ACO2: variants seen among roughly 807,000 people sequenced by gnomAD.
ACO2 encodes aconitase 2.
ACO2 carries 31 observed loss-of-function variants against 84.5 expected under a neutral mutation model. That is an observed-to-expected ratio of 0.37 (90% CI 0.28 to 0.50). The LOEUF is 0.50. ACO2 is among the 20% of genes least tolerant of loss of function. The pLI is 0.97. For missense variants in ACO2, 685 were observed against 1,029.3 expected, an observed-to-expected ratio of 0.67 and a Z score of 4.58; for synonymous variants, 414 against 412.7, an observed-to-expected ratio of 1.00 and a Z score of -0.04.
intron 6 of ACO2, among the ~76,000 whole-genome samples, chr22:41,516,792 G>A (rs964523388): frequency 1.6e-4 from 24 of 152,216 alleles, no homozygotes; most frequent in South Asian, 2.1e-4. Context: ...GTGCAATCTC[G>A]GCTCACTACA....
chr22:41,488,420 G>A (rs776386176), intron 1 of ACO2, among the ~76,000 whole-genome samples: 1 of 152,178 alleles, frequency 6.6e-6, no homozygotes, highest in East Asian at 1.9e-4. Context: ...GAAAAGCTTG[G>A]AAGCCTCATG....
rs377384540 is a variant in ACO2 at position 41,507,944 on chromosome 22, G to T, written c.327G>T (p.Gln109His). 6.2e-7 allele frequency: 1 copy of T among 1,614,248 alleles called. No individual in the cohort carries two copies. The highest frequency in any genetic ancestry group is 1.1e-5 in the South Asian group (1 of 91,088). Residue 109 changes from glutamine (Q) to histidine (H), a missense_variant, in exon 3 of 18, where the codon CAG (glutamine) becomes CAT (histidine). Transcript: ENST00000216254. ...QDATAQMAMLQFISSGLSKVA... is the reference protein window; with the variant it reads ...QDATAQMAMLHFISSGLSKVA... ...CGACGGCCCAGATGGCCATGCTCCA[G>T]TTCATCAGCAGCGGGCTGTCCAAGG...
chr22:41,487,255 C>T (rs934639856), intron 1 of ACO2, among the ~76,000 whole-genome samples: 5 of 152,196 alleles, frequency 3.3e-5, no homozygotes, highest in African/African-American at 9.6e-5. Flanking sequence ...TCCCTGGACT[C>T]CTTCCCCTAA....
intron 10 of ACO2, 90 bp downstream of exon 10, chr22:41,523,077 G>A (rs1350347225): frequency 6.4e-7 from 1 of 1,571,254 alleles, no homozygotes; most frequent in Non-Finnish European, 8.7e-7. Flanking sequence ...GTTGGGCCGG[G>A]GCTGGGGCAG....
At chr22:41,501,727 G>A (rs746709301) in intron 2 of ACO2, among the ~76,000 whole-genome samples, 14 of 152,096 alleles carry the variant, frequency 9.2e-5, no homozygotes, top group East Asian at 1.9e-4. Context: ...GTGGTGTCTC[G>A]TCTTTGTACC....
At chr22:41,525,003 T>C (rs767288560) in intron 13 of ACO2, 35 bp downstream of exon 13, 84 of 1,613,918 alleles carry the variant, frequency 5.2e-5, no homozygotes, top group Non-Finnish European at 6.9e-5. Context: ...CTGGTTGCTG[T>C]GTGGCCACGT....
chr22:41,495,074 T>TG (rs1214507430), intron 1 of ACO2, among the ~76,000 whole-genome samples: 1 of 152,154 alleles, frequency 6.6e-6, no homozygotes, highest in Non-Finnish European at 1.5e-5. Flanking sequence ...TTGCCCAGGC[T>TG]GGAGTGCAGT....
intron 1 of ACO2, among the ~76,000 whole-genome samples, chr22:41,489,440 A>G (rs2066256281): frequency 6.6e-6 from 1 of 152,178 alleles, no homozygotes; most frequent in African/African-American, 2.4e-5. Flanking sequence ...GAGATCTAAT[A>G]AAAAACATAC....
chr22:41,480,229 C>G (rs1437901622), intron 1 of ACO2, among the ~76,000 whole-genome samples: 1 of 152,170 alleles, frequency 6.6e-6, no homozygotes, highest in East Asian at 1.9e-4. Flanking sequence ...ACAGAGTCCA[C>G]CTGAGACTTC....
Position 41,515,071 on chromosome 22 carries a change from C to T in ACO2, c.526-306C>T, listed in dbSNP as rs2066464853. 1.3e-5 allele frequency among the ~76,000 whole-genome samples: 2 copies of T among 152,176 alleles called. No homozygotes were observed. Among genetic ancestry groups the T allele is most frequent in the South Asian group, 2.1e-4 (1 of 4,830 alleles). On this transcript the variant is annotated intron_variant, in intron 4 of 17. Coordinates refer to ENST00000216254, the MANE Select transcript of ACO2 (RefSeq NM_001098.3). This position sits in a 1 kb window ranked among gnomAD's most constrained non-coding sequence, Gnocchi z 5.8. ...TCTGGTTCTTGTCACATCCTGGGGT[C>T]ATGGTGGTATGGGTGTTTGGTTACT... is the stretch of plus-strand genomic sequence containing the variant.
Position 41,507,851 on chromosome 22 carries a change from C to A in ACO2, c.234C>A (p.Ala78=). ...KIVYGHLDDP[A]SQEIERGKSY... ...TGTATGGACACCTGGATGACCCCGCCAGCCAGGAAATTGAGCGAGGCAAGT... is the reference window on the plus strand; with the variant it reads ...TGTATGGACACCTGGATGACCCCGCAAGCCAGGAAATTGAGCGAGGCAAGT... The change falls in exon 3 of 18, where the codon GCC becomes GCA. Residue 78 remains alanine (A), a synonymous_variant. Transcript: ENST00000216254. 1.9e-6 allele frequency: 3 copies of A among 1,614,256 alleles called. No homozygotes were observed. The highest frequency in any genetic ancestry group is 2.5e-6 in the Non-Finnish European group (3 of 1,180,048).
At chr22:41,527,210 AGGCCAGGCAGGTAG>A in intron 15 of ACO2, 64 bp from the exon 16 acceptor site, 4 of 1,602,634 alleles carry the variant, frequency 2.5e-6, no homozygotes, top group Non-Finnish European at 3.4e-6. Context: ...CAGGTGGGTG[AGGCCAGGCAGGTAG>A]GGCCAGACAG....
chr22:41,528,817 G>C lies in ACO2; in HGVS notation c.*204G>C, dbSNP rs922198496. On this transcript the variant is annotated 3_prime_UTR_variant, in exon 18 of 18. Transcript: ENST00000216254. ...TTTTTAGCCCCCGTCTTCCTATTTT[G>C]AGTTTGGTTCAGATCTTAAGCAGCT... 1.5e-5 allele frequency: 10 copies of C among 683,334 alleles called. No individual in the cohort carries two copies. The allele number at this position is 683,334 out of a possible 1,614,324, so 42.3% of individuals were successfully genotyped here.
chr22:41,507,745 G>C (rs939137020), intron 2 of ACO2, 46 bp from the exon 3 acceptor site: 1 of 1,582,262 alleles, frequency 6.3e-7, no homozygotes, highest in African/African-American at 1.3e-5. Context: ...GCGGGAGGAG[G>C]CCGTGCAGCT....
chr22:41,517,627 G>A lies in ACO2; in HGVS notation c.936G>A (p.Arg312=), dbSNP rs2066485958. 3.1e-6 allele frequency: 5 copies of A among 1,613,780 alleles called. No individual in the cohort carries two copies. The African/African-American group carries it at 4.0e-5, about 13-fold the overall frequency. Residue 312 remains arginine, a synonymous_variant, in exon 7 of 18, where the codon CGG becomes CGA. Coordinates refer to ENST00000216254, the MANE Select transcript of ACO2 (RefSeq NM_001098.3). ...RMKKYLSKTG[R]EDIANLADEF... ...AGAAGTACCTGAGCAAGACCGGCCG[G>A]GAAGGTGAGCTGGCAGGGGCAGGCC...
chr22:41,526,229 C>G (rs747847114), intron 14 of ACO2, 33 bp from the exon 15 acceptor site: 3 of 1,595,592 alleles, frequency 1.9e-6, no homozygotes, highest in African/African-American at 2.7e-5. Flanking sequence ...AGGGCCATGC[C>G]CTGACCTCTG....
At chr22:41,478,152 C>T (rs2038042536) in intron 1 of ACO2, among the ~76,000 whole-genome samples, 1 of 151,312 alleles carries the variant, frequency 6.6e-6, no homozygotes, top group African/African-American at 2.5e-5. Context: ...TTCAAGGAAA[C>T]CTTTTTTTCA....
At position 41,515,335 on chromosome 22, in the gene ACO2, G is replaced by A. The variant is rs368460982; in HGVS notation, c.526-42G>A. Reference sequence around the variant, plus strand: ...AGTGGGGCCATTTTTTGGTATTCTCGGCTGAGGGCTTCTAAATATAACATC... The same window carrying A: ...AGTGGGGCCATTTTTTGGTATTCTCAGCTGAGGGCTTCTAAATATAACATC... On this transcript the variant is annotated intron_variant, in intron 4 of 17. Coordinates refer to ENST00000216254, the MANE Select transcript of ACO2 (RefSeq NM_001098.3). The surrounding 1 kb of genome is among the most constrained non-coding windows in gnomAD (Gnocchi z 5.8). The A allele has an allele frequency of 2.4e-5, 38 of 1,611,164 alleles. No homozygotes were observed. The African/African-American group carries it at 4.1e-4, about 18-fold the overall frequency.
chr22:41,518,450 G>A (rs371085196), intron 7 of ACO2, 31 bp from the exon 8 acceptor site: 15 of 1,548,894 alleles, frequency 9.7e-6, no homozygotes, highest in Admixed American at 3.3e-5. Context: ...TATGTTTCAC[G>A]TGCTCCATCC....
Sources: allele counts gnomAD v4.1 joint callset (sites outside exome capture counted in the v4.1 genomes callset), GRCh38; gene constraint gnomAD v4.1.1; non-coding constraint Gnocchi (gnomAD v3.1); transcripts MANE v1.5; gene names NCBI Gene and HGNC (gene_info 2026-07-23, HGNC 2026-07-21).